The following MYO1E variants were observed in gnomAD, a reference collection of about 807,000 sequenced individuals.
MYO1E encodes the protein unconventional myosin-Ie.
In MYO1E, 68 loss-of-function variants were observed where a neutral mutation model predicts 151.1. That is an observed-to-expected ratio of 0.45 (90% CI 0.37 to 0.55). The LOEUF (loss-of-function observed/expected upper bound fraction) is 0.55, where lower values mean the gene tolerates loss of function less well. Among genes scored for constraint, MYO1E ranks in the 20% least tolerant of loss-of-function variants. The probability of loss-of-function intolerance (pLI) is 0.00; values close to 1 mark genes in which losing one functional copy is unlikely to be tolerated. For missense variants in MYO1E, 1,363 were observed against 1,389.3 expected (o/e 0.98, Z 0.30); for synonymous variants, 601 against 501.7 (o/e 1.20, Z -2.64).
rs1206952128 is a variant in MYO1E, at chr15:59,174,201, C to T, written c.2089G>A (p.Gly697Arg). ...GATTTCTGTATCACTCGAGCATACC[C>T]ATCATACTTTCTCTCTCTCATCTCT... is the stretch of plus-strand genomic sequence containing the variant. ...LEEMRERKYD[G>R]YARVIQKSWR... The change falls in exon 20 of 28, where the codon GGG becomes AGG. Residue 697 changes from glycine to arginine, a missense_variant. Physicochemically the swap from Gly to Arg is moderately radical, Grantham distance 125. Transcript: ENST00000288235. 1 of 1,614,042 alleles carries T rather than the reference C, an allele frequency of 6.2e-7. No individual in the cohort carries two copies. Among genetic ancestry groups the T allele is most frequent in the South Asian group, 1.1e-5 (1 of 91,076 alleles).
At chr15:59,255,591 A>C (rs745970533) in intron 4 of MYO1E, among the ~76,000 whole-genome samples, 1 of 152,086 alleles carries the variant, frequency 6.6e-6, no homozygotes, top group Admixed American at 6.6e-5. Context: ...TTTTAAAAGC[A>C]CTTAAGGCAG....
At chr15:59,208,015 C>A (rs777955544) in intron 14 of MYO1E, 7 of 1,606,340 alleles carry the variant, frequency 4.4e-6, no homozygotes, top group Non-Finnish European at 5.1e-6. Context: ...AAAGCTGACC[C>A]CTGAAGAAGA....
At chr15:59,182,243 A>T (rs1225122885) in intron 18 of MYO1E, among the ~76,000 whole-genome samples, 1 of 151,500 alleles carries the variant, frequency 6.6e-6, no homozygotes, top group Non-Finnish European at 1.5e-5. Context: ...ATGGAGTTCC[A>T]CTCTTGTCGC....
chr15:59,282,514 C>T (rs1323374050), intron 1 of MYO1E, among the ~76,000 whole-genome samples: 1 of 152,030 alleles, frequency 6.6e-6, no homozygotes, highest in Non-Finnish European at 1.5e-5. Flanking sequence ...ACTCCAGGAA[C>T]CCTAGAATGG....
At chr15:59,173,479 T>A (rs1467019634) in intron 21 of MYO1E, among the ~76,000 whole-genome samples, 1 of 152,200 alleles carries the variant, frequency 6.6e-6, no homozygotes, top group Non-Finnish European at 1.5e-5. Flanking sequence ...TAAAACAGCA[T>A]GTAATGTATA....
intron 1 of MYO1E, among the ~76,000 whole-genome samples, chr15:59,364,105 T>G (rs2080900150): frequency 6.6e-6 from 1 of 152,160 alleles, no homozygotes; most frequent in Non-Finnish European, 1.5e-5. Context: ...TATGCTAACC[T>G]CCTTTGCCAT....
In MYO1E at chr15:59,356,968, C is replaced by T. The variant is rs542130370; in HGVS notation, c.3+15530G>A. On this transcript the variant is annotated intron_variant, in intron 1 of 27. Coordinates refer to ENST00000288235, the MANE Select transcript of MYO1E (RefSeq NM_004998.4). ...CTGCCTAGGCTGGAGTGCAATGGCA[C>T]GATCTCGGCTCACTGCAACCTCCAC... Among the ~76,000 whole-genome samples the T allele has an allele frequency of 7.1e-4, 98 of 137,548 alleles. 1 individual carries two copies. The highest frequency in any genetic ancestry group is 2.5e-3 in the African/African-American group (92 of 37,282). The allele number at this position is 137,548 out of a possible 152,430, so 90.2% of individuals were successfully genotyped here.
At chr15:59,141,588 C>G (rs1355711255) in intron 26 of MYO1E, among the ~76,000 whole-genome samples, 2 of 152,090 alleles carry the variant, frequency 1.3e-5, no homozygotes, top group East Asian at 3.9e-4. Context: ...CACCTGAAGT[C>G]AGGAGTTCGA....
intron 26 of MYO1E, among the ~76,000 whole-genome samples, chr15:59,140,549 C>G (rs1037681791): frequency 1.6e-4 from 25 of 152,202 alleles, no homozygotes; most frequent in African/African-American, 5.8e-4. Flanking sequence ...GCTGTTAGGT[C>G]TGTGCACATC....
chr15:59,366,873 A>G (rs1422765393), intron 1 of MYO1E, among the ~76,000 whole-genome samples: 2 of 152,030 alleles, frequency 1.3e-5, no homozygotes, highest in African/African-American at 2.4e-5. Flanking sequence ...TTAACCTTTA[A>G]CCTCTTATTT....
intron 22 of MYO1E, among the ~76,000 whole-genome samples, chr15:59,168,210 T>C (rs542303295): frequency 6.6e-6 from 1 of 152,200 alleles, no homozygotes; most frequent in East Asian, 1.9e-4. Context: ...TACTGGAGGA[T>C]TAGAAAAACA....
intron 1 of MYO1E, among the ~76,000 whole-genome samples, chr15:59,366,293 T>G (rs1414614381): frequency 1.8e-5 from 1 of 55,970 alleles, no homozygotes; most frequent in African/African-American, 3.5e-5. Context: ...CTCTTTCTTT[T>G]TTTTCTCTCT....
At chr15:59,234,466 G>T (rs2140356634) in intron 5 of MYO1E, among the ~76,000 whole-genome samples, 1 of 152,174 alleles carries the variant, frequency 6.6e-6, no homozygotes, top group South Asian at 2.1e-4. Context: ...CTCAAAGGAG[G>T]AATGTTTGGC....
intron 22 of MYO1E, among the ~76,000 whole-genome samples, chr15:59,166,617 T>C (rs1454611457): frequency 1.3e-5 from 2 of 152,188 alleles, no homozygotes; most frequent in African/African-American, 4.8e-5. Context: ...TAAGCTTTTA[T>C]AAAAGTCTTT....
intron 7 of MYO1E, among the ~76,000 whole-genome samples, chr15:59,226,462 G>C (rs1480485522): frequency 6.6e-6 from 1 of 152,122 alleles, no homozygotes; most frequent in Non-Finnish European, 1.5e-5. Flanking sequence ...TAAAAAATTT[G>C]GTTATTAACA....
At chr15:59,149,060 T>G (rs866280195) in intron 26 of MYO1E, among the ~76,000 whole-genome samples, 45,512 of 140,396 alleles carry the variant, frequency 0.32, 7,123 homozygotes, top group Middle Eastern at 0.42. Context: ...TTGTTTTTTT[T>G]TTTTTTTTTT....
chr15:59,224,452 G>A (rs2079976097), intron 8 of MYO1E, among the ~76,000 whole-genome samples: 1 of 152,148 alleles, frequency 6.6e-6, no homozygotes, highest in Non-Finnish European at 1.5e-5. Context: ...GCTCCTGCAG[G>A]GTGATAATGA....
chr15:59,283,835 T>G (rs76696799), intron 1 of MYO1E, among the ~76,000 whole-genome samples: 1 of 152,340 alleles, frequency 6.6e-6, no homozygotes, highest in East Asian at 1.9e-4. Context: ...GTAACAGCAG[T>G]TGGAAACAGC....
At chr15:59,268,723 T>TTTTTG (rs1468622917) in intron 2 of MYO1E, among the ~76,000 whole-genome samples, 1 of 107,942 alleles carries the variant, frequency 9.3e-6, no homozygotes, top group African/African-American at 5.0e-5. Flanking sequence ...CTTTGGTATT[T>TTTTTG]TTTTTTTTTT....
Sources: gnomAD v4.1 joint callset for allele counts (sites outside exome capture counted in the v4.1 genomes callset) on GRCh38, gnomAD v4.1.1 for gene constraint, MANE v1.5 for transcripts, NCBI Gene and HGNC (gene_info 2026-07-23, HGNC 2026-07-21) for gene names.